Variants in VAT1L observed in about 807,000 individuals in gnomAD.
VAT1L encodes putative NADPH-dependent quinone oxidoreductase VAT1L.
VAT1L carries 34 observed loss-of-function variants against 44.1 expected under a neutral mutation model. The ratio of observed to expected loss-of-function variants is 0.77; its 90% CI spans 0.59 to 1.03. The LOEUF is 1.03. Ranked by LOEUF, VAT1L falls within the 50% of genes least tolerant of loss-of-function variation. The probability of loss-of-function intolerance (pLI) is 0.00; values close to 1 mark genes in which losing one functional copy is unlikely to be tolerated. For missense variants in VAT1L, 615 were observed against 538.8 expected, an observed-to-expected ratio of 1.14 and a Z score of -1.40; for synonymous variants, 253 against 202.2, an observed-to-expected ratio of 1.25 and a Z score of -2.13.
chr16:77,820,164 T>C (rs974060075), intron 2 of VAT1L, among the ~76,000 whole-genome samples: 4 of 152,298 alleles, frequency 2.6e-5, no homozygotes, highest in African/African-American at 9.6e-5. Context: ...TCTGAGGCCA[T>C]TTCTTTCATG....
chr16:77,937,263 C>A (rs1023668584), intron 7 of VAT1L, among the ~76,000 whole-genome samples: 1 of 152,264 alleles, frequency 6.6e-6, no homozygotes, highest in East Asian at 1.9e-4. Context: ...GTCCTCCTCA[C>A]GCAAATCAGT....
chr16:77,870,069 A>C (rs930670064), intron 4 of VAT1L, among the ~76,000 whole-genome samples: 1 of 152,222 alleles, frequency 6.6e-6, no homozygotes, highest in African/African-American at 2.4e-5. Flanking sequence ...TGCGAAGTAC[A>C]TATGGGAACT....
At chr16:77,843,156 G>T (rs577441709) in intron 3 of VAT1L, among the ~76,000 whole-genome samples, 7 of 152,214 alleles carry the variant, frequency 4.6e-5, no homozygotes, top group Non-Finnish European at 1.0e-4. Context: ...GGGACAGCAG[G>T]TACGGGTCTA....
At chr16:77,972,518 C>G (rs866856510) in intron 8 of VAT1L, among the ~76,000 whole-genome samples, 3 of 152,154 alleles carry the variant, frequency 2.0e-5, no homozygotes, top group African/African-American at 7.2e-5. Context: ...AGGTGGCTAA[C>G]GCCTGTAATC....
At chr16:77,823,736 C>T (rs1452879945) in intron 2 of VAT1L, among the ~76,000 whole-genome samples, 1 of 152,210 alleles carries the variant, frequency 6.6e-6, no homozygotes, top group Non-Finnish European at 1.5e-5. Flanking sequence ...AAAAACCTCT[C>T]AGCTGGGTAC....
intron 3 of VAT1L, among the ~76,000 whole-genome samples, chr16:77,854,157 A>G (rs1382799025): frequency 1.3e-5 from 2 of 151,874 alleles, no homozygotes; most frequent in Admixed American, 6.6e-5. Flanking sequence ...GCCCATACTT[A>G]TATTTTGAGC....
At chr16:77,885,602 C>T (rs571383344) in intron 7 of VAT1L, among the ~76,000 whole-genome samples, 28 of 151,732 alleles carry the variant, frequency 1.8e-4, no homozygotes, top group Non-Finnish European at 3.4e-4. Flanking sequence ...GGAGCCATGA[C>T]GCCCCTGAAA....
intron 2 of VAT1L, among the ~76,000 whole-genome samples, chr16:77,821,223 A>G (rs187057110): frequency 1.4e-3 from 207 of 152,264 alleles, no homozygotes; most frequent in African/African-American, 4.1e-3. Flanking sequence ...ATGTAAAAGG[A>G]TAAGTCAATA....
chr16:77,908,464 CAA>C (rs11418351), intron 7 of VAT1L, among the ~76,000 whole-genome samples: 26 of 39,374 alleles, frequency 6.6e-4, no homozygotes, highest in African/African-American at 2.5e-3. Flanking sequence ...GGTTCTGTCT[CAA>C]AAAAAAAAAA....
chr16:77,844,342 G>A (rs2016736888), intron 3 of VAT1L, among the ~76,000 whole-genome samples: 1 of 152,120 alleles, frequency 6.6e-6, no homozygotes, highest in Non-Finnish European at 1.5e-5. Flanking sequence ...GTAATCTAGA[G>A]ATGATTTAAA....
In VAT1L at chr16:77,884,633, C is replaced by G; in HGVS notation, c.908C>G (p.Pro303Arg). 1 of 1,613,480 alleles carries G rather than the reference C, an allele frequency of 6.2e-7. No individual in the cohort carries two copies. Among genetic ancestry groups the G allele is most frequent in the African/African-American group, 1.3e-5 (1 of 74,964 alleles). ...KSWWQVEKVNPIKLYEENKVI... is the reference protein window; with the variant it reads ...KSWWQVEKVNRIKLYEENKVI... ...TGGTGGCAGGTGGAGAAGGTGAACC[C>G]CATCAAGCTGTATGAGGAGAACAAA... The change falls in exon 7 of 9, where the codon CCC (proline) becomes CGC (arginine). Residue 303 changes from proline to arginine, a missense_variant. Transcript: ENST00000302536. This position sits in a 1 kb window ranked among gnomAD's most constrained non-coding sequence, Gnocchi z 4.5.
intron 7 of VAT1L, among the ~76,000 whole-genome samples, chr16:77,943,426 C>T (rs1195076306): frequency 7.1e-6 from 1 of 140,200 alleles, no homozygotes; most frequent in Non-Finnish European, 1.5e-5. Flanking sequence ...GTCTCCCAGG[C>T]TGGACTGTAG....
chr16:77,816,681 C>A (rs997069372), intron 1 of VAT1L, among the ~76,000 whole-genome samples: 1 of 152,034 alleles, frequency 6.6e-6, no homozygotes, highest in Non-Finnish European at 1.5e-5. Context: ...CTACTGTTTT[C>A]ATTGCCACAA....
At chr16:77,962,749 A>AAGGAAGGAAGGAAGGAAGGAAGGAAGGT (rs2018176448) in intron 7 of VAT1L, among the ~76,000 whole-genome samples, 1 of 150,786 alleles carries the variant, frequency 6.6e-6, no homozygotes, top group Non-Finnish European at 1.5e-5. Context: ...AGAAGGAAGG[A>AAGGAAGGAAGGAAGGAAGGAAGGAAGGT]AGGAAGGAAG....
At chr16:77,856,635 A>C (rs76215119) in intron 3 of VAT1L, among the ~76,000 whole-genome samples, 6,232 of 152,320 alleles carry the variant, frequency 0.041, 190 homozygotes, top group Middle Eastern at 0.11. Flanking sequence ...TTGTTACCAC[A>C]GTCCCTGGAT....
rs1316866485 is a variant in VAT1L at position 77,889,645 on chromosome 16, GACA to G, written c.1077+4846_1077+4848del. On this transcript the variant is annotated intron_variant, in intron 7 of 8. Transcript: ENST00000302536. ...GAATATAAAATCTACAGTAGTCATA[GACA>G]ACGTGTTTCCTGCCCTTGAGTTTAT... 2.0e-5 allele frequency among the ~76,000 whole-genome samples: 3 copies of G among 152,210 alleles called. No individual in the cohort carries two copies. In the East Asian group the frequency reaches 5.8e-4, roughly 29 times the overall value.
In VAT1L at chr16:77,788,574, C is replaced by T. The variant is rs924002894; in HGVS notation, c.-109C>T. ...GCAGAGGCTGCAGCCATTGCACAGC[C>T]GAGCATCCCACATTCAACAGGAGGA... On this transcript the variant is annotated 5_prime_UTR_variant, in exon 1 of 9. Transcript: ENST00000302536. 5 of 1,284,440 alleles carry T rather than the reference C, an allele frequency of 3.9e-6. No homozygotes were observed. Among genetic ancestry groups the T allele is most frequent in the Non-Finnish European group, 5.4e-6 (5 of 931,974 alleles). The allele number at this position is 1,284,440 out of a possible 1,614,324, so 79.6% of individuals were successfully genotyped here.
chr16:77,809,338 C>G (rs2016223206), intron 1 of VAT1L, among the ~76,000 whole-genome samples: 1 of 152,182 alleles, frequency 6.6e-6, no homozygotes, highest in Non-Finnish European at 1.5e-5. Flanking sequence ...CTTTTCCTTC[C>G]CATCCTCCAT....
intron 1 of VAT1L, among the ~76,000 whole-genome samples, chr16:77,814,378 G>A (rs1238708903): frequency 3.3e-5 from 5 of 152,116 alleles, no homozygotes; most frequent in Non-Finnish European, 5.9e-5. Context: ...TGACAGAATC[G>A]CCTAATGCCT....
Sources: allele counts gnomAD v4.1 joint callset (sites outside exome capture counted in the v4.1 genomes callset), GRCh38; gene constraint gnomAD v4.1.1; non-coding constraint Gnocchi (gnomAD v3.1); transcripts MANE v1.5; gene names NCBI Gene and HGNC (gene_info 2026-07-23, HGNC 2026-07-21).